The following DNAJB12 variants were observed in gnomAD, a reference collection of about 807,000 sequenced individuals.
DNAJB12 encodes dnaJ homolog subfamily B member 12.
A neutral mutation model predicts 40.6 loss-of-function variants in DNAJB12; 14 were observed. The observed-to-expected ratio is 0.34, with a 90% CI of 0.23 to 0.54. DNAJB12 has a LOEUF of 0.54. Ranked by LOEUF, DNAJB12 falls within the 20% of genes least tolerant of loss-of-function variation. DNAJB12 has a pLI of 0.92. For missense variants in DNAJB12, 444 were observed against 501.7 expected (o/e 0.89, Z 1.10); for synonymous variants, 181 against 199.5 (o/e 0.91, Z 0.78).
chr10:72,345,024 G>T lies in DNAJB12; in HGVS notation c.237C>A (p.Ala79=), dbSNP rs1861745069. ...ATHRKAGGTD[A]PSANGEAGGE... is the part of the protein sequence containing the mutation. ...CTCCAGCTTCACCGTTGGCCGAGGG[G>T]GCATCGGTCCCACCTGCTTTCCTGT... The change falls in exon 2 of 9, where the codon GCC becomes GCA. Residue 79 remains alanine (A), a synonymous_variant. Transcript: ENST00000444643. The T allele has an allele frequency of 6.2e-7, 1 of 1,614,114 alleles. No homozygotes were observed. Among genetic ancestry groups the T allele is most frequent in the South Asian group, 1.1e-5 (1 of 91,094 alleles).
chr10:72,345,267 G>C (rs1174800556), intron 1 of DNAJB12, 140 bp from the exon 2 acceptor site: 7 of 961,812 alleles, frequency 7.3e-6, no homozygotes, highest in African/African-American at 1.6e-5. Context: ...GGGTGCTGGG[G>C]GGACAGTCAT....
chr10:72,336,417 C>A lies in DNAJB12; in HGVS notation c.1006+107G>T. ...GGCTGGTGCAGGGCAGTGCCAGGGG[C>A]TGGGCCCTCAGAGCACAGGGTGAGC... On this transcript the variant is annotated intron_variant, in intron 7 of 8. Coordinates refer to ENST00000444643, the MANE Select transcript of DNAJB12 (RefSeq NM_017626.7). 4.8e-6 allele frequency: 6 copies of A among 1,247,302 alleles called. No homozygotes were observed. The South Asian group carries it at 6.7e-5, about 14-fold the overall frequency. The allele number at this position is 1,247,302 out of a possible 1,614,324, so 77.3% of individuals were successfully genotyped here.
At chr10:72,336,833 G>C in intron 6 of DNAJB12, 137 bp from the exon 7 acceptor site, 1 of 661,246 alleles carries the variant, frequency 1.5e-6, no homozygotes, top group Non-Finnish European at 2.5e-6. Flanking sequence ...GCAGGGACCC[G>C]CACACTCCCT....
intron 5 of DNAJB12, among the ~76,000 whole-genome samples, chr10:72,340,016 CAAG>C (rs1452567786): frequency 6.6e-6 from 1 of 152,072 alleles, no homozygotes; most frequent in Non-Finnish European, 1.5e-5. Flanking sequence ...GGCTTTTTAG[CAAG>C]AAGAGTCGGC....
intron 3 of DNAJB12, among the ~76,000 whole-genome samples, chr10:72,342,802 A>G (rs1197566508): frequency 6.6e-6 from 1 of 152,198 alleles, no homozygotes; most frequent in Admixed American, 6.5e-5. Flanking sequence ...TAATGAATAA[A>G]GGGCAGCTTA....
intron 1 of DNAJB12, chr10:72,353,295 C>T (rs1313430440): frequency 6.6e-6 from 1 of 152,244 alleles, no homozygotes; most frequent in East Asian, 1.9e-4. Flanking sequence ...TACCACCCCA[C>T]CACAGAATAT....
intron 3 of DNAJB12, among the ~76,000 whole-genome samples, chr10:72,341,636 AATTTTTTGT>A (rs1348670315): frequency 2.6e-5 from 4 of 152,026 alleles, no homozygotes; most frequent in Non-Finnish European, 5.9e-5. Context: ...ACACTCAGCT[AATTTTTTGT>A]ATTTTTTGTA....
Position 72,348,540 on chromosome 10 carries a change from C to T in DNAJB12, c.134-3413G>A, listed in dbSNP as rs370105894. Among the ~76,000 whole-genome samples the T allele has an allele frequency of 1.1e-4, 17 of 152,382 alleles. No individual in the cohort carries two copies. The East Asian group carries it at 3.3e-3, about 29-fold the overall frequency. On this transcript the variant is annotated intron_variant, in intron 1 of 8. Transcript: ENST00000444643. ...ACGCCATGCTGGGTGCCACACCCAC[C>T]AGTGCGACCCACTGAGGTCTGACCC...
At chr10:72,340,530 T>C (rs1373764472) in intron 5 of DNAJB12, among the ~76,000 whole-genome samples, 1 of 152,100 alleles carries the variant, frequency 6.6e-6, no homozygotes, top group Non-Finnish European at 1.5e-5. Flanking sequence ...GTGGGTGGGG[T>C]TTCTGGTTCC....
rs1861693424 is a variant in DNAJB12, at chr10:72,343,462, C to A, written c.361G>T (p.Ala121Ser). 6.2e-7 allele frequency: 1 copy of A among 1,614,066 alleles called. No homozygotes were observed. Among genetic ancestry groups the A allele is most frequent in the South Asian group, 1.1e-5 (1 of 91,094 alleles). Residue 121 changes from alanine (A) to serine (S), a missense_variant, in exon 3 of 9, where the codon GCC (alanine) becomes TCC (serine). Coordinates refer to ENST00000444643, the MANE Select transcript of DNAJB12 (RefSeq NM_017626.7). ...GCCTTCTTCAGGTCCTCATCCGAGG[C>A]CCCTCTGCTCACCCCCAGGATCTCA... The part of the protein sequence containing the change: ...YYEILGVSRG[A>S]SDEDLKKAYR...
At chr10:72,352,581 C>T (rs1014652884) in intron 1 of DNAJB12, among the ~76,000 whole-genome samples, 4 of 152,138 alleles carry the variant, frequency 2.6e-5, no homozygotes, top group Admixed American at 2.6e-4. Context: ...GACTGTGAAC[C>T]CATGGATGAT....
chr10:72,347,057 C>T (rs150801796), intron 1 of DNAJB12, among the ~76,000 whole-genome samples: 3,602 of 151,738 alleles, frequency 0.024, 128 homozygotes, highest in African/African-American at 0.083. Flanking sequence ...CTCTGCCTCC[C>T]GGTTTCAAGC....
chr10:72,349,359 G>C (rs1473335366), intron 1 of DNAJB12, among the ~76,000 whole-genome samples: 1 of 152,002 alleles, frequency 6.6e-6, no homozygotes, highest in Non-Finnish European at 1.5e-5. Context: ...GGTAGCGGGG[G>C]AGCTCCAAGG....
At chr10:72,354,618 C>T (rs1169391364) in intron 1 of DNAJB12, 147 bp downstream of exon 1, 1 of 722,584 alleles carries the variant, frequency 1.4e-6, no homozygotes, top group South Asian at 1.9e-5. Flanking sequence ...AAAAACTACG[C>T]CTCCCAGCAG....
At chr10:72,337,707 G>C (rs1260567496) in intron 6 of DNAJB12, among the ~76,000 whole-genome samples, 1 of 152,198 alleles carries the variant, frequency 6.6e-6, no homozygotes, top group Non-Finnish European at 1.5e-5. Context: ...GGGATTCTAA[G>C]CCATGCTTGC....
At chr10:72,345,156 C>A in intron 1 of DNAJB12, 29 bp from the exon 2 acceptor site, 1 of 1,572,054 alleles carries the variant, frequency 6.4e-7, no homozygotes, top group Non-Finnish European at 8.6e-7. Flanking sequence ...CCATTCAGAG[C>A]TCCTGCTCAA....
intron 1 of DNAJB12, among the ~76,000 whole-genome samples, chr10:72,348,818 T>G (rs573393721): frequency 1.4e-4 from 21 of 152,272 alleles, no homozygotes; most frequent in South Asian, 1.2e-3. Context: ...GTGTGTCAGG[T>G]GGGTACTTTC....
At chr10:72,338,103 G>A (rs1377285369) in intron 6 of DNAJB12, 99 bp downstream of exon 6, 20 of 982,728 alleles carry the variant, frequency 2.0e-5, no homozygotes, top group Non-Finnish European at 2.8e-5. Context: ...CATTATGATC[G>A]CACACTGGCT....
chr10:72,343,567 G>A, intron 2 of DNAJB12, 56 bp from the exon 3 acceptor site: 2 of 1,593,462 alleles, frequency 1.3e-6, no homozygotes, highest in Non-Finnish European at 1.7e-6. Context: ...GTGTGAGGGG[G>A]GCGATGAACA....
Sources: gnomAD v4.1 joint callset for allele counts (sites outside exome capture counted in the v4.1 genomes callset) on GRCh38, gnomAD v4.1.1 for gene constraint, MANE v1.5 for transcripts, NCBI Gene and HGNC (gene_info 2026-07-23, HGNC 2026-07-21) for gene names.